The following PCDH15 variants were observed in gnomAD, a reference collection of about 807,000 sequenced individuals.
The protein encoded by PCDH15 is protocadherin related 15, also known as protocadherin-15.
A neutral mutation model predicts 178.5 loss-of-function variants in PCDH15; 129 were observed. The observed-to-expected ratio is 0.72, with a 90% CI of 0.63 to 0.84. PCDH15 has a LOEUF of 0.84. Among genes scored for constraint, PCDH15 ranks in the 40% least tolerant of loss-of-function variants. The pLI, the probability that PCDH15 is intolerant of heterozygous loss-of-function variation, is 0.00. For missense variants in PCDH15, 2,230 were observed against 2,099.9 expected, an observed-to-expected ratio of 1.06 and a Z score of -1.21; for synonymous variants, 800 against 732.0, an observed-to-expected ratio of 1.09 and a Z score of -1.50.
At chr10:54,285,256 G>GA (rs11399363) in intron 8 of PCDH15, among the ~76,000 whole-genome samples, 30,501 of 143,976 alleles carry the variant, frequency 0.21, 3,776 homozygotes, top group African/African-American at 0.35. Flanking sequence ...CATCTTAACA[G>GA]AAAAAAAAAA....
chr10:54,394,421 C>T (rs1278385188), intron 3 of PCDH15, among the ~76,000 whole-genome samples: 1 of 151,968 alleles, frequency 6.6e-6, no homozygotes, highest in Non-Finnish European at 1.5e-5. Flanking sequence ...CATCACATGT[C>T]GGTACGTTCC....
intron 1 of PCDH15, among the ~76,000 whole-genome samples, chr10:55,294,560 G>T (rs1843087906): frequency 6.6e-6 from 1 of 152,120 alleles, no homozygotes; most frequent in Non-Finnish European, 1.5e-5. Flanking sequence ...TCTTGACTCA[G>T]AAATGTATTA....
At chr10:54,284,435 T>A (rs1001158830) in intron 8 of PCDH15, among the ~76,000 whole-genome samples, 1 of 152,176 alleles carries the variant, frequency 6.6e-6, no homozygotes, top group Admixed American at 6.5e-5. Context: ...CATTTAAGGA[T>A]TATTTTCCAG....
intron 1 of PCDH15, among the ~76,000 whole-genome samples, chr10:54,721,582 T>A (rs1465080604): frequency 1.3e-5 from 2 of 151,760 alleles, no homozygotes; most frequent in Non-Finnish European, 2.9e-5. Flanking sequence ...TATAAGAGAC[T>A]ACTATGAACA....
intron 3 of PCDH15, among the ~76,000 whole-genome samples, chr10:54,807,394 A>G (rs1173551002): frequency 1.3e-5 from 2 of 152,164 alleles, no homozygotes; most frequent in Non-Finnish European, 2.9e-5. Flanking sequence ...AAATATTTCC[A>G]AAAATAAACC....
At chr10:54,764,874 A>C (rs2133190902) in intron 1 of PCDH15, among the ~76,000 whole-genome samples, 1 of 152,304 alleles carries the variant, frequency 6.6e-6, no homozygotes, top group South Asian at 2.1e-4. Context: ...GGTAAGAGGA[A>C]GAATTTTTGT....
At chr10:55,053,027 A>G (rs1328044986) in intron 2 of PCDH15, among the ~76,000 whole-genome samples, 1 of 152,192 alleles carries the variant, frequency 6.6e-6, no homozygotes, top group Non-Finnish European at 1.5e-5. Flanking sequence ...GGTGAGAGAC[A>G]AGGAACCTCA....
intron 2 of PCDH15, among the ~76,000 whole-genome samples, chr10:54,534,793 T>A (rs1407636206): frequency 1.3e-5 from 2 of 152,228 alleles, no homozygotes; most frequent in African/African-American, 4.8e-5. Flanking sequence ...TTCTCATTTT[T>A]CCTGTTGATC....
intron 18 of PCDH15, among the ~76,000 whole-genome samples, chr10:54,048,400 T>C (rs527610568): frequency 2.6e-5 from 4 of 152,320 alleles, no homozygotes; most frequent in Non-Finnish European, 5.9e-5. Context: ...AGCTCCTTAG[T>C]TTAATTACGT....
chr10:53,857,388 G>T, intron 27 of PCDH15, 125 bp from the exon 28 acceptor site: 1 of 714,836 alleles, frequency 1.4e-6, no homozygotes, highest in Non-Finnish European at 2.5e-6. Context: ...TCAAATTCAG[G>T]AACAAATATA....
At chr10:55,220,992 T>C (rs1313864868) in intron 1 of PCDH15, among the ~76,000 whole-genome samples, 1 of 152,104 alleles carries the variant, frequency 6.6e-6, no homozygotes, top group East Asian at 1.9e-4. Context: ...TCATTCATAA[T>C]AGTTAAAACC....
At chr10:55,271,597 G>A (rs1842446047) in intron 1 of PCDH15, among the ~76,000 whole-genome samples, 2 of 151,952 alleles carry the variant, frequency 1.3e-5, no homozygotes, top group African/African-American at 4.8e-5. Flanking sequence ...CAGCAAATAC[G>A]GGACAGCAAC....
chr10:55,451,647 A>T lies in PCDH15; in HGVS notation c.-156+175978T>A, dbSNP rs574985910. 4.0e-4 allele frequency among the ~76,000 whole-genome samples: 61 copies of T among 152,350 alleles called. 1 individual carries two copies. Among genetic ancestry groups the T allele is most frequent in the African/African-American group, 1.5e-3 (61 of 41,588 alleles). Reference sequence around the variant, plus strand: ...ATGAATTCATTCAGAAGCTCATGAAACATGTGTGATACTACCAAAGATCCA... The same window carrying T: ...ATGAATTCATTCAGAAGCTCATGAATCATGTGTGATACTACCAAAGATCCA... On this transcript the variant is annotated intron_variant, in intron 2 of 5. Coordinates refer to the PCDH15 transcript ENST00000613346.
intron 2 of PCDH15, among the ~76,000 whole-genome samples, chr10:54,608,381 A>T (rs1200902443): frequency 6.6e-6 from 1 of 151,750 alleles, no homozygotes; most frequent in Non-Finnish European, 1.5e-5. Context: ...CTGATGTGGG[A>T]GAAACGCTTC....
Position 54,170,489 on chromosome 10 carries a change from C to G in PCDH15, c.1590+12955G>C, listed in dbSNP as rs570919380. Among the ~76,000 whole-genome samples, 29 of 151,894 alleles carry G rather than the reference C, an allele frequency of 1.9e-4. No homozygotes were observed. In the East Asian group the frequency reaches 5.2e-3, roughly 27 times the overall value. ...CACTCTCTACAGTTCTCATAACTTC[C>G]AAAACCTATTTTCTTCCTCATACCT... On this transcript the variant is annotated intron_variant, in intron 13 of 37. Transcript: ENST00000644397.
intron 2 of PCDH15, among the ~76,000 whole-genome samples, chr10:55,326,592 C>T (rs1311453602): frequency 6.6e-6 from 1 of 151,672 alleles, no homozygotes; most frequent in African/African-American, 2.4e-5. Flanking sequence ...CAATTTAATA[C>T]ATAGTTTAAA....
chr10:55,275,546 C>T lies in PCDH15; in HGVS notation c.-156+44053G>A, dbSNP rs78164248. Among the ~76,000 whole-genome samples the T allele has an allele frequency of 4.9e-4, 74 of 152,032 alleles. No homozygotes were observed. The East Asian group carries it at 6.0e-3, about 12-fold the overall frequency. On this transcript the variant is annotated intron_variant, in intron 1 of 5. Coordinates refer to the PCDH15 transcript ENST00000458638. ...TGCTATCCTTTTGCACTGATCTACA[C>T]GATCTCTATCATTTATCCGTACTTA...
intron 3 of PCDH15, among the ~76,000 whole-genome samples, chr10:54,385,963 T>C (rs1387603683): frequency 6.6e-6 from 1 of 152,200 alleles, no homozygotes; most frequent in Admixed American, 6.5e-5. Context: ...CTTTGTGTTT[T>C]ATTCTTTTTG....
At chr10:54,124,049 TG>T (rs1418170486) in intron 15 of PCDH15, among the ~76,000 whole-genome samples, 1 of 152,082 alleles carries the variant, frequency 6.6e-6, no homozygotes, top group African/African-American at 2.4e-5. Context: ...AACCAACTGT[TG>T]GGTGCTGTGC....
Sources: allele counts gnomAD v4.1 joint callset (sites outside exome capture counted in the v4.1 genomes callset), GRCh38; gene constraint gnomAD v4.1.1; transcripts MANE v1.5; gene names NCBI Gene and HGNC (gene_info 2026-07-23, HGNC 2026-07-21).